Variants in LPP observed in about 807,000 individuals in gnomAD.
LPP encodes the protein lipoma-preferred partner.
LPP carries 38 observed loss-of-function variants against 60.4 expected under a neutral mutation model. The observed-to-expected ratio is 0.63, with a 90% CI of 0.49 to 0.83. The LOEUF (loss-of-function observed/expected upper bound fraction) is 0.83, where lower values mean the gene tolerates loss of function less well. Among genes scored for constraint, LPP ranks in the 40% least tolerant of loss-of-function variants. The pLI, the probability that LPP is intolerant of heterozygous loss-of-function variation, is 0.00. For missense variants in LPP, 902 were observed against 783.6 expected, an observed-to-expected ratio of 1.15 and a Z score of -1.80; for synonymous variants, 328 against 290.8, an observed-to-expected ratio of 1.13 and a Z score of -1.30.
chr3:188,393,549 T>C (rs1780200923), intron 3 of LPP, among the ~76,000 whole-genome samples: 1 of 152,208 alleles, frequency 6.6e-6, no homozygotes, highest in Admixed American at 6.5e-5. Flanking sequence ...ATATGAGTTA[T>C]CGTCAAAACT....
intron 4 of LPP, among the ~76,000 whole-genome samples, chr3:188,458,804 G>GT (rs5855198): frequency 0.99 from 151,182 of 152,132 alleles, 75,127 homozygotes; most frequent in Middle Eastern, 1. Flanking sequence ...AATGGCTACT[G>GT]TTTATGGAAA....
chr3:188,219,222 G>T (rs1447257983), intron 1 of LPP, among the ~76,000 whole-genome samples: 2 of 152,108 alleles, frequency 1.3e-5, no homozygotes. Context: ...CTGCACCCTT[G>T]ATAAAAGGAA....
rs1020570867 is a variant in LPP, at chr3:188,746,806, A to T, written c.1241-13307A>T. On this transcript the variant is annotated intron_variant, in intron 8 of 11. Transcript: ENST00000617246. ...CATTAGTACAAGAGGAATCACCCAG[A>T]AATACTCTACTGGCATAAATAAAAC... Among the ~76,000 whole-genome samples the T allele has an allele frequency of 5.9e-5, 9 of 152,326 alleles. No individual in the cohort carries two copies. In the East Asian group the frequency reaches 1.7e-3, roughly 29 times the overall value.
chr3:188,421,607 T>G (rs1787822587), intron 4 of LPP, among the ~76,000 whole-genome samples: 1 of 152,166 alleles, frequency 6.6e-6, no homozygotes, highest in Admixed American at 6.6e-5. Context: ...ATAATGATAG[T>G]AATGGTAATA....
At chr3:188,301,666 T>TTTA (rs1560219672) in intron 2 of LPP, among the ~76,000 whole-genome samples, 2 of 151,548 alleles carry the variant, frequency 1.3e-5, no homozygotes, top group African/African-American at 4.8e-5. Context: ...TTATTTATTA[T>TTTA]TTATTATTAT....
chr3:188,766,210 A>G (rs920935683), intron 9 of LPP, among the ~76,000 whole-genome samples: 1 of 151,698 alleles, frequency 6.6e-6, no homozygotes, highest in Non-Finnish European at 1.5e-5. Flanking sequence ...AAAGCCCCCA[A>G]CTACTCAGAT....
At chr3:188,686,308 G>A (rs1162713213) in intron 7 of LPP, among the ~76,000 whole-genome samples, 2 of 152,090 alleles carry the variant, frequency 1.3e-5, no homozygotes, top group African/African-American at 4.8e-5. Context: ...CTTTACCAAA[G>A]GCAATGGCAA....
At chr3:188,743,470 G>A (rs80338634) in intron 8 of LPP, among the ~76,000 whole-genome samples, 8,977 of 152,098 alleles carry the variant, frequency 0.059, 353 homozygotes, top group South Asian at 0.13. Context: ...AAGAGTAAGA[G>A]AGTAGCCAGG....
intron 4 of LPP, among the ~76,000 whole-genome samples, chr3:188,409,354 T>C (rs1231790153): frequency 6.6e-6 from 1 of 152,240 alleles, no homozygotes; most frequent in African/African-American, 2.4e-5. Context: ...GAACAGTTTA[T>C]GGACATTCAG....
chr3:188,753,607 G>A (rs1728851064), intron 8 of LPP, among the ~76,000 whole-genome samples: 1 of 151,284 alleles, frequency 6.6e-6, no homozygotes, highest in Non-Finnish European at 1.5e-5. Flanking sequence ...GTGTGTGTGT[G>A]TGTGTGTGTT....
chr3:188,607,936 T>G (rs9856723), intron 6 of LPP, among the ~76,000 whole-genome samples: 52,951 of 151,976 alleles, frequency 0.35, 10,094 homozygotes, highest in Non-Finnish European at 0.43. Context: ...ATCCTTTTTT[T>G]ATGTGGTATT....
chr3:188,237,865 C>A (rs1030971669), intron 2 of LPP, among the ~76,000 whole-genome samples: 6 of 152,194 alleles, frequency 3.9e-5, no homozygotes, highest in African/African-American at 1.4e-4. Flanking sequence ...TCACCAGCCA[C>A]ATTAGCCTCT....
At chr3:188,747,241 G>A (rs1304996617) in intron 8 of LPP, among the ~76,000 whole-genome samples, 6 of 152,064 alleles carry the variant, frequency 3.9e-5, no homozygotes, top group Non-Finnish European at 5.9e-5. Flanking sequence ...GATCTCACAG[G>A]TCTATAAGCT....
chr3:188,662,583 A>G (rs1818555), intron 7 of LPP, among the ~76,000 whole-genome samples: 150,033 of 152,354 alleles, frequency 0.98, 73,905 homozygotes, highest in East Asian at 1. Flanking sequence ...AAATTTAAAG[A>G]TTGACTTTAT....
chr3:188,495,436 T>G (rs1809905850), intron 5 of LPP, among the ~76,000 whole-genome samples: 1 of 151,840 alleles, frequency 6.6e-6, no homozygotes, highest in Non-Finnish European at 1.5e-5. Context: ...TTGAAGGAAC[T>G]TGTTTAGATC....
At chr3:188,240,343 G>T (rs544761254) in intron 2 of LPP, among the ~76,000 whole-genome samples, 53 of 103,412 alleles carry the variant, frequency 5.1e-4, no homozygotes, top group African/African-American at 2.5e-3. Context: ...TTGGGTAAGA[G>T]TGTGTGTGTG....
intron 2 of LPP, among the ~76,000 whole-genome samples, chr3:188,303,302 G>A (rs1209220842): frequency 3.3e-5 from 5 of 152,184 alleles, no homozygotes; most frequent in African/African-American, 9.7e-5. Flanking sequence ...TTTGGTCTGC[G>A]TGCCACAGGT....
intron 3 of LPP, among the ~76,000 whole-genome samples, chr3:188,393,907 A>G (rs1311945122): frequency 1.3e-5 from 2 of 152,196 alleles, no homozygotes; most frequent in Non-Finnish European, 2.9e-5. Context: ...TACTGGAGAT[A>G]CTAGGGCAAT....
At chr3:188,598,341 AAGC>A (rs1204685607) in intron 6 of LPP, among the ~76,000 whole-genome samples, 1 of 152,148 alleles carries the variant, frequency 6.6e-6, no homozygotes, top group Non-Finnish European at 1.5e-5. Context: ...AGAGGACAAT[AAGC>A]AGTCAGTTTC....
Sources: gnomAD v4.1 joint callset for allele counts (sites outside exome capture counted in the v4.1 genomes callset) on GRCh38, gnomAD v4.1.1 for gene constraint, MANE v1.5 for transcripts, NCBI Gene and HGNC (gene_info 2026-07-23, HGNC 2026-07-21) for gene names.